The following MFAP1 variants were observed in gnomAD, a reference collection of about 807,000 sequenced individuals.
The protein encoded by MFAP1 is microfibrillar-associated protein 1.
Under a neutral mutation model 62.2 loss-of-function variants are expected in MFAP1, and 18 were observed. The observed-to-expected ratio is 0.29, with a 90% CI of 0.20 to 0.43. The LOEUF (loss-of-function observed/expected upper bound fraction) is 0.43, where lower values mean the gene tolerates loss of function less well. MFAP1 is among the 20% of genes least tolerant of loss of function. MFAP1 has a pLI of 1.00. For synonymous variants in MFAP1, 175 were observed against 180.4 expected (o/e 0.97, Z 0.24); for missense variants, 355 against 559.7 (o/e 0.63, Z 3.69).
At chr15:43,808,001 G>A (rs923461102) in intron 7 of MFAP1, among the ~76,000 whole-genome samples, 6 of 152,118 alleles carry the variant, frequency 3.9e-5, no homozygotes, top group Non-Finnish European at 8.8e-5. Context: ...GAAATTAGGT[G>A]TGGTGGCACA....
chr15:43,824,207 A>G (rs576207030), intron 1 of MFAP1, among the ~76,000 whole-genome samples: 1 of 151,354 alleles, frequency 6.6e-6, no homozygotes, highest in East Asian at 1.9e-4. Flanking sequence ...TCTGATATAT[A>G]CTTAAGTTCC....
Position 43,805,001 on chromosome 15 carries a change from C to T in MFAP1, c.*93G>A, listed in dbSNP as rs948198202. The stretch of plus-strand genomic sequence containing the variant: ...TAGCAGTAAGTCCAATATCTGGATA[C>T]AGGGGCCAAGGAAACAATGAAAAAA... On this transcript the variant is annotated 3_prime_UTR_variant, in exon 9 of 9. Transcript: ENST00000267812. 10 of 1,351,004 alleles carry T rather than the reference C, an allele frequency of 7.4e-6. 1 individual carries two copies. The highest frequency in any genetic ancestry group is 2.9e-5 in the South Asian group (2 of 68,760). 83.7% of individuals were successfully genotyped at this position (1,351,004 alleles called of 1,614,324 possible). A position where few individuals can be genotyped will look rare whatever the true frequency, so the allele number is the denominator to read the frequency against.
intron 1 of MFAP1, among the ~76,000 whole-genome samples, chr15:43,822,917 C>T (rs997799864): frequency 3.3e-5 from 5 of 151,742 alleles, no homozygotes; most frequent in Admixed American, 2.6e-4. Context: ...CGGCTCACTG[C>T]AACCTCTGCC....
rs560306732 is a variant in MFAP1, at chr15:43,821,733, G to C, written c.79+2758C>G. On this transcript the variant is annotated intron_variant, in intron 1 of 8. Transcript: ENST00000267812. ...TCTTAAATATTTACATTCCCTACTG[G>C]ACTGTAAGCTAACTTATAATCTGTC... Among the ~76,000 whole-genome samples the C allele has an allele frequency of 5.9e-5, 9 of 152,198 alleles. No homozygotes were observed. The South Asian group carries it at 1.9e-3, about 32-fold the overall frequency.
intron 3 of MFAP1, 30 bp downstream of exon 3, chr15:43,814,914 GA>G: frequency 1.2e-6 from 2 of 1,609,654 alleles, no homozygotes; most frequent in Non-Finnish European, 1.7e-6. Context: ...CTTATATCCA[GA>G]AAAAAACTTC....
chr15:43,807,839 TACTC>T (rs1202177973), intron 7 of MFAP1, among the ~76,000 whole-genome samples: 6 of 152,152 alleles, frequency 3.9e-5, no homozygotes, highest in Non-Finnish European at 8.8e-5. Flanking sequence ...AAAGCTTACT[TACTC>T]AATGAAATAA....
At chr15:43,812,690 G>C (rs542996738) in intron 6 of MFAP1, among the ~76,000 whole-genome samples, 2 of 152,162 alleles carry the variant, frequency 1.3e-5, no homozygotes, top group African/African-American at 4.8e-5. Flanking sequence ...ATTGTGGGTT[G>C]GGTTGTACAC....
Position 43,824,636 on chromosome 15 carries a change from A to T in MFAP1, c.-67T>A. The T allele has an allele frequency of 1.3e-6, 2 of 1,540,094 alleles. No individual in the cohort carries two copies. Among genetic ancestry groups the T allele is most frequent in the South Asian group, 2.2e-5 (2 of 89,188 alleles). Reference sequence around the variant, plus strand: ...CAAACAGTGAACACCAGCAACGTCAACGAAGAGAAGAAATTCCTTCCACCT... The same window carrying T: ...CAAACAGTGAACACCAGCAACGTCATCGAAGAGAAGAAATTCCTTCCACCT... On this transcript the variant is annotated 5_prime_UTR_variant, in exon 1 of 9. It adds an upstream start codon to the 5' untranslated region. Transcript: ENST00000267812.
At position 43,810,948 on chromosome 15, in the gene MFAP1, G is replaced by C. The variant is rs999673851; in HGVS notation, c.888-1034C>G. ...ATTTTTGTATTTTTAGTACAGACAGGGTTTCACCATGTTGGACAGGCGGGT... is the reference window on the plus strand; with the variant it reads ...ATTTTTGTATTTTTAGTACAGACAGCGTTTCACCATGTTGGACAGGCGGGT... On this transcript the variant is annotated intron_variant, in intron 6 of 8. Transcript: ENST00000267812. Among the ~76,000 whole-genome samples, 4 of 150,850 alleles carry C rather than the reference G, an allele frequency of 2.7e-5. No homozygotes were observed. In the East Asian group the frequency reaches 8.0e-4, roughly 30 times the overall value.
chr15:43,818,232 G>A (rs1477673826), intron 1 of MFAP1, among the ~76,000 whole-genome samples: 1 of 151,830 alleles, frequency 6.6e-6, no homozygotes, highest in Non-Finnish European at 1.5e-5. Context: ...TATTAGCCAT[G>A]ATGGTCTCGA....
chr15:43,818,018 CTTT>C (rs780258021), intron 1 of MFAP1, among the ~76,000 whole-genome samples: 5 of 131,730 alleles, frequency 3.8e-5, no homozygotes, highest in Admixed American at 8.0e-5. Context: ...AAATACAATT[CTTT>C]TTTTTTTTTT....
chr15:43,821,792 A>G (rs1267397246), intron 1 of MFAP1, among the ~76,000 whole-genome samples: 1 of 152,188 alleles, frequency 6.6e-6, no homozygotes. Flanking sequence ...AATTTAATAT[A>G]TACAAACACT....
chr15:43,812,669 C>A (rs1213596375), intron 6 of MFAP1, among the ~76,000 whole-genome samples: 1 of 152,146 alleles, frequency 6.6e-6, no homozygotes, highest in African/African-American at 2.4e-5. Flanking sequence ...ATTATAGTTT[C>A]AAGTCACTCA....
chr15:43,824,071 CTAAG>C (rs1271393547), intron 1 of MFAP1, among the ~76,000 whole-genome samples: 3 of 151,300 alleles, frequency 2.0e-5, no homozygotes, highest in African/African-American at 4.9e-5. Context: ...ACTTAAGTTC[CTAAG>C]TAATTACACT....
chr15:43,817,573 G>A, intron 1 of MFAP1, 125 bp from the exon 2 acceptor site: 2 of 888,542 alleles, frequency 2.3e-6, no homozygotes, highest in Non-Finnish European at 3.4e-6. Context: ...GAAGAAGAGA[G>A]CCACTACCCA....
intron 7 of MFAP1, among the ~76,000 whole-genome samples, chr15:43,807,412 G>C (rs918354377): frequency 2.7e-5 from 4 of 150,218 alleles, no homozygotes; most frequent in Non-Finnish European, 5.9e-5. Context: ...GCAGTGGCGT[G>C]ATCTCGGCTC....
intron 2 of MFAP1, among the ~76,000 whole-genome samples, chr15:43,816,033 T>A (rs769232366): frequency 2.6e-5 from 4 of 152,190 alleles, no homozygotes; most frequent in Non-Finnish European, 4.4e-5. Context: ...AACTGGGTTT[T>A]GGTGGCTGCT....
chr15:43,814,865 T>A lies in MFAP1; in HGVS notation c.429+80A>T, dbSNP rs1479241025. ...CCTGCCAAAGCAGTGATCTCATGTT[T>A]TTAAGGCTTCAACAAATGAGCACTG... On this transcript the variant is annotated intron_variant, in intron 3 of 8. Transcript: ENST00000267812. 2.0e-5 allele frequency: 32 copies of A among 1,575,228 alleles called. No homozygotes were observed. In the East Asian group the frequency reaches 7.2e-4, roughly 35 times the overall value.
rs546816400 is a variant in MFAP1, at chr15:43,822,450, T to C, written c.79+2041A>G. Among the ~76,000 whole-genome samples the C allele has an allele frequency of 7.2e-5, 11 of 152,242 alleles. 1 individual carries two copies. In the East Asian group the frequency reaches 2.1e-3, roughly 29 times the overall value. On this transcript the variant is annotated intron_variant, in intron 1 of 8. Coordinates refer to ENST00000267812, the MANE Select transcript of MFAP1 (RefSeq NM_005926.3). Reference sequence around the variant, plus strand: ...GTGCAGTGGCATGATCTTGGCTCCATGAAACCTCCACCTGCCGGGTTCAAG... The same window carrying C: ...GTGCAGTGGCATGATCTTGGCTCCACGAAACCTCCACCTGCCGGGTTCAAG...
Sources: allele counts gnomAD v4.1 joint callset (sites outside exome capture counted in the v4.1 genomes callset), GRCh38; gene constraint gnomAD v4.1.1; transcripts MANE v1.5; gene names NCBI Gene and HGNC (gene_info 2026-07-23, HGNC 2026-07-21).